The following ADAM29 variants were observed in gnomAD, a reference collection of about 807,000 sequenced individuals.
ADAM29 encodes the protein ADAM metallopeptidase domain 29.
For synonymous variants in ADAM29, 367 were observed against 342.3 expected, an observed-to-expected ratio of 1.07 and a Z score of -0.80; for missense variants, 969 against 1,001.8, an observed-to-expected ratio of 0.97 and a Z score of 0.44.
intron 4 of ADAM29, among the ~76,000 whole-genome samples, chr4:174,971,699 A>G (rs1376536896): frequency 6.6e-6 from 1 of 152,068 alleles, no homozygotes; most frequent in Non-Finnish European, 1.5e-5. Flanking sequence ...AGTTCATCTT[A>G]TTTGGGAACT....
At chr4:174,927,279 A>G (rs764806068) in intron 2 of ADAM29, among the ~76,000 whole-genome samples, 13 of 152,220 alleles carry the variant, frequency 8.5e-5, no homozygotes, top group Middle Eastern at 3.2e-3. Flanking sequence ...AAAAACCTGC[A>G]TATCAATATT....
intron 2 of ADAM29, among the ~76,000 whole-genome samples, chr4:174,921,857 G>A (rs1399045723): frequency 6.6e-6 from 1 of 152,078 alleles, no homozygotes; most frequent in Admixed American, 6.6e-5. Flanking sequence ...TTTCTTCCAA[G>A]CTATAGGTAA....
intron 2 of ADAM29, among the ~76,000 whole-genome samples, chr4:174,924,322 A>AT (rs1743361921): frequency 6.6e-6 from 1 of 152,214 alleles, no homozygotes; most frequent in Non-Finnish European, 1.5e-5. Flanking sequence ...AATTTAAAAA[A>AT]TTGGACAATA....
chr4:174,965,860 A>T (rs1204059172), intron 4 of ADAM29, among the ~76,000 whole-genome samples: 1 of 152,150 alleles, frequency 6.6e-6, no homozygotes, highest in Non-Finnish European at 1.5e-5. Context: ...TATGCTGAAG[A>T]TTAGGGCTTC....
At chr4:174,943,821 A>T (rs1177467094) in intron 4 of ADAM29, among the ~76,000 whole-genome samples, 1 of 74,260 alleles carries the variant, frequency 1.3e-5, no homozygotes, top group Non-Finnish European at 3.9e-5. Flanking sequence ...TACAGGAAAA[A>T]AAAAAAAGGA....
In ADAM29 at chr4:174,978,088, C is replaced by A. The variant is rs1346613254; in HGVS notation, c.*100C>A. 2.9e-5 allele frequency: 44 copies of A among 1,542,340 alleles called. No individual in the cohort carries two copies. Among genetic ancestry groups the A allele is most frequent in the Non-Finnish European group, 3.7e-5 (42 of 1,136,890 alleles). On this transcript the variant is annotated 3_prime_UTR_variant, in exon 5 of 5. Transcript: ENST00000359240. ...CTCCCAGAGTCAACCTCATGTGACA[C>A]CTTACCGGAGTAAAAGTGGTAAACA...
At chr4:174,948,431 A>G (rs1024924985) in intron 4 of ADAM29, among the ~76,000 whole-genome samples, 7 of 152,154 alleles carry the variant, frequency 4.6e-5, no homozygotes, top group South Asian at 2.1e-4. Flanking sequence ...TTAGGAGTCC[A>G]AAGCTCAGCT....
At chr4:174,933,402 G>A (rs1454230911) in intron 3 of ADAM29, among the ~76,000 whole-genome samples, 1 of 152,138 alleles carries the variant, frequency 6.6e-6, no homozygotes, top group Non-Finnish European at 1.5e-5. Flanking sequence ...TATCTAACAT[G>A]AGGTGGAAAA....
chr4:174,966,819 T>G (rs769985873), intron 4 of ADAM29, among the ~76,000 whole-genome samples: 1 of 152,222 alleles, frequency 6.6e-6, no homozygotes, highest in Admixed American at 6.5e-5. Flanking sequence ...TCTTCCATTC[T>G]CTTGAAGAAT....
At chr4:174,964,348 G>C (rs1198192377) in intron 4 of ADAM29, among the ~76,000 whole-genome samples, 1 of 152,042 alleles carries the variant, frequency 6.6e-6, no homozygotes, top group African/African-American at 2.4e-5. Context: ...AAGTGGGAAG[G>C]TTTCAAGAGA....
At chr4:174,936,860 A>T (rs1414909130) in intron 3 of ADAM29, 73 bp from the exon 4 acceptor site, 1 of 151,956 alleles carries the variant, frequency 6.6e-6, no homozygotes, top group Non-Finnish European at 1.5e-5. Context: ...GAGCATTTTT[A>T]TGCCAATATA....
intron 2 of ADAM29, among the ~76,000 whole-genome samples, chr4:174,929,626 C>T (rs1045085815): frequency 6.7e-6 from 1 of 150,310 alleles, no homozygotes; most frequent in Non-Finnish European, 1.5e-5. Flanking sequence ...GTTTCCACCC[C>T]AGTGCCCAAG....
In ADAM29 at chr4:174,975,514, G is replaced by A. The variant is rs1208142149; in HGVS notation, c.-12G>A. 6.7e-7 allele frequency: 1 copy of A among 1,497,172 alleles called. No individual in the cohort carries two copies. Among genetic ancestry groups the A allele is most frequent in the African/African-American group, 1.4e-5 (1 of 71,406 alleles). The allele number at this position is 1,497,172 out of a possible 1,614,324, so 92.7% of individuals were successfully genotyped here. ...GACTTCAAAATCACTGTGATTTGAA[G>A]CCTTTTTGAACATGAAGATGTTACT... is the stretch of plus-strand genomic sequence containing the variant. On this transcript the variant is annotated 5_prime_UTR_variant, in exon 5 of 5. Coordinates refer to ENST00000359240, the MANE Select transcript of ADAM29 (RefSeq NM_014269.4).
Position 174,977,609 on chromosome 4 carries a change from A to G in ADAM29, c.2084A>G (p.Tyr695Cys). 1 of 1,613,874 alleles carries G rather than the reference A, an allele frequency of 6.2e-7. No individual in the cohort carries two copies. Among genetic ancestry groups the G allele is most frequent in the Non-Finnish European group, 8.5e-7 (1 of 1,179,938 alleles). The part of the protein sequence containing the change: ...IVLFILLCCL[Y>C]RLCKKSKPIK... ...TTGTTTATTTTATTATGTTGTCTTT[A>G]TCGACTTTGTAAAAAAAGTAAACCA... Residue 695 changes from tyrosine (Y) to cysteine (C), a missense_variant, in exon 5 of 5, where the codon TAT becomes TGT. Tyr to Cys is a radical substitution (Grantham distance 194, BLOSUM62 -2). Coordinates refer to ENST00000359240, the MANE Select transcript of ADAM29 (RefSeq NM_014269.4).
At chr4:174,959,814 A>G (rs2111054094) in intron 4 of ADAM29, among the ~76,000 whole-genome samples, 1 of 151,982 alleles carries the variant, frequency 6.6e-6, no homozygotes, top group Admixed American at 6.6e-5. Flanking sequence ...TGTTACTTTA[A>G]GAAAGTTTTC....
chr4:174,924,924 G>A (rs79817977), intron 2 of ADAM29, among the ~76,000 whole-genome samples: 101 of 152,274 alleles, frequency 6.6e-4, no homozygotes, highest in Non-Finnish European at 1.2e-3. Context: ...ACCTAAGCCC[G>A]ATGATGAAGG....
chr4:174,949,938 C>T (rs955057972), intron 4 of ADAM29, among the ~76,000 whole-genome samples: 1 of 151,872 alleles, frequency 6.6e-6, no homozygotes, highest in Admixed American at 6.6e-5. Context: ...TTAACATTTC[C>T]TACATATAAA....
intron 4 of ADAM29, among the ~76,000 whole-genome samples, chr4:174,949,125 G>A (rs930281432): frequency 1.3e-5 from 2 of 152,138 alleles, no homozygotes; most frequent in African/African-American, 2.4e-5. Context: ...GGGTAACCGA[G>A]GCTGCACTGC....
In ADAM29 at chr4:174,977,154, G is replaced by A. The variant is rs1392754173; in HGVS notation, c.1629G>A (p.Lys543=). The change falls in exon 5 of 5, where the codon AAG becomes AAA. Residue 543 remains lysine (K), a synonymous_variant. Transcript: ENST00000359240. ...HCGIKNATYI[K]CNISDVQCGR... is the part of the protein sequence containing the mutation. ...GTATCAAAAATGCTACATATATAAA[G>A]TGTAATATCTCAGATGTCCAGTGTG... 3 of 1,613,982 alleles carry A rather than the reference G, an allele frequency of 1.9e-6. No homozygotes were observed. In the Admixed American group the frequency reaches 5.0e-5, roughly 27 times the overall value.
Sources: allele counts gnomAD v4.1 joint callset (sites outside exome capture counted in the v4.1 genomes callset), GRCh38; gene constraint gnomAD v4.1.1; transcripts MANE v1.5; gene names NCBI Gene and HGNC (gene_info 2026-07-23, HGNC 2026-07-21).